RNLS: variants seen among roughly 807,000 people sequenced by gnomAD.
The protein encoded by RNLS is renalase.
RNLS carries 39 observed loss-of-function variants against 39.8 expected under a neutral mutation model. The observed-to-expected ratio is 0.98, with a 90% CI of 0.76 to 1.28. The LOEUF is 1.28. RNLS is among the 50% of genes most tolerant of loss of function. RNLS has a pLI of 0.00. For synonymous variants in RNLS, 147 were observed against 150.7 expected (o/e 0.98, Z 0.18); for missense variants, 410 against 413.3 (o/e 0.99, Z 0.07).
chr10:88,203,344 G>GTA, the RNLS span, among the ~76,000 whole-genome samples: 11 of 12,196 alleles, frequency 9.0e-4, 1 homozygote, highest in East Asian at 3.4e-3. Flanking sequence ...ATACACGTAT[G>GTA]TGTATATATA....
At chr10:88,312,853 C>T (rs572894169) in intron 6 of RNLS, among the ~76,000 whole-genome samples, 10 of 152,026 alleles carry the variant, frequency 6.6e-5, no homozygotes, top group Non-Finnish European at 1.3e-4. Flanking sequence ...GCCCCCTACC[C>T]TCCCACATTT....
chr10:88,466,171 T>C (rs927106068), intron 4 of RNLS, among the ~76,000 whole-genome samples: 3 of 152,050 alleles, frequency 2.0e-5, no homozygotes, highest in African/African-American at 7.2e-5. Context: ...TCCTGCCCAA[T>C]ATACCCATTA....
intron 4 of RNLS, among the ~76,000 whole-genome samples, chr10:88,386,725 G>C (rs1851881350): frequency 6.6e-6 from 1 of 152,150 alleles, no homozygotes; most frequent in Non-Finnish European, 1.5e-5. Flanking sequence ...GGATGTGAGG[G>C]CTGAGGACAC....
the RNLS span, among the ~76,000 whole-genome samples, chr10:88,201,815 A>T: frequency 6.6e-6 from 1 of 152,152 alleles, no homozygotes; most frequent in African/African-American, 2.4e-5. Flanking sequence ...GTATCCAGAG[A>T]TGTGAAAACA....
downstream of RNLS, among the ~76,000 whole-genome samples, chr10:88,282,480 C>T (rs1327084253): frequency 2.9e-4 from 1 of 3,468 alleles, no homozygotes; most frequent in Non-Finnish European, 8.4e-4. Context: ...AGTGAAAATA[C>T]ACACACACAC....
the RNLS span, among the ~76,000 whole-genome samples, chr10:88,248,140 T>C: frequency 6.6e-6 from 1 of 152,252 alleles, no homozygotes; most frequent in Non-Finnish European, 1.5e-5. Flanking sequence ...AAATGTTAGC[T>C]GGTAATTTAA....
chr10:88,343,645 A>T (rs1311322030), intron 5 of RNLS: 4 of 985,214 alleles, frequency 4.1e-6, no homozygotes, highest in Non-Finnish European at 4.8e-6. Context: ...AATTCCATAG[A>T]TTCTGTCCAT....
At chr10:88,457,116 T>C (rs898114870) in intron 4 of RNLS, among the ~76,000 whole-genome samples, 1 of 151,774 alleles carries the variant, frequency 6.6e-6, no homozygotes, top group Non-Finnish European at 1.5e-5. Flanking sequence ...ACCTCAAGAG[T>C]TTTTCTTCCT....
At chr10:88,202,941 A>AGACTT in the RNLS span, among the ~76,000 whole-genome samples, 1 of 151,998 alleles carries the variant, frequency 6.6e-6, no homozygotes, top group South Asian at 2.1e-4. Flanking sequence ...CCAGTTCAGC[A>AGACTT]GACTTCCTGC....
intron 4 of RNLS, among the ~76,000 whole-genome samples, chr10:88,484,374 T>A (rs990031618): frequency 2.0e-5 from 3 of 152,082 alleles, no homozygotes; most frequent in Non-Finnish European, 4.4e-5. Context: ...GAAGGCAGAA[T>A]CTGATATTTA....
At chr10:88,269,710 G>A (rs749078843), downstream of RNLS, among the ~76,000 whole-genome samples, 2 of 152,186 alleles carry the variant, frequency 1.3e-5, no homozygotes, top group Non-Finnish European at 2.9e-5. Flanking sequence ...CTTTGAGGGG[G>A]CCTTAGAGGA....
At chr10:88,338,072 C>G (rs187525145) in intron 5 of RNLS, among the ~76,000 whole-genome samples, 1 of 152,142 alleles carries the variant, frequency 6.6e-6, no homozygotes, top group Admixed American at 6.5e-5. Context: ...TGCAGAAGTC[C>G]ATCTTATTCT....
At chr10:88,387,160 TC>T (rs1348201749) in intron 4 of RNLS, among the ~76,000 whole-genome samples, 1 of 151,984 alleles carries the variant, frequency 6.6e-6, no homozygotes, top group East Asian at 1.9e-4. Context: ...AACCCAAACT[TC>T]CGGAAGCCTT....
At chr10:88,336,734 T>C (rs1564705770) in intron 5 of RNLS, among the ~76,000 whole-genome samples, 2 of 152,220 alleles carry the variant, frequency 1.3e-5, no homozygotes, top group South Asian at 4.1e-4. Context: ...AACAAAATGT[T>C]ATCTATTTTA....
intron 5 of RNLS, among the ~76,000 whole-genome samples, chr10:88,327,903 A>T (rs899000679): frequency 4.7e-5 from 7 of 149,400 alleles, no homozygotes; most frequent in African/African-American, 1.5e-4. Flanking sequence ...GCGCCCAGCC[A>T]ATTTATTTAT....
chr10:88,478,676 T>G, intron 4 of RNLS, among the ~76,000 whole-genome samples: 1 of 152,130 alleles, frequency 6.6e-6, no homozygotes, highest in East Asian at 1.9e-4. Context: ...TTCCGTTCAC[T>G]CGAAATATGC....
intron 4 of RNLS, among the ~76,000 whole-genome samples, chr10:88,373,220 AATATTC>A: frequency 1.3e-5 from 2 of 152,166 alleles, no homozygotes; most frequent in Non-Finnish European, 2.9e-5. Context: ...TTGGAGAATT[AATATTC>A]TAATTAAAAA....
chr10:88,292,704 T>G (rs569045037), intron 6 of RNLS, among the ~76,000 whole-genome samples: 3 of 152,016 alleles, frequency 2.0e-5, no homozygotes, highest in Non-Finnish European at 2.9e-5. Context: ...CAGATGGAGA[T>G]GTCTAAGCCA....
the RNLS span, among the ~76,000 whole-genome samples, chr10:88,211,237 A>T: frequency 6.6e-6 from 1 of 152,178 alleles, no homozygotes. Flanking sequence ...TTGGCCTGTC[A>T]TTCAAGGCCC....
Sources: gnomAD v4.1 joint callset for allele counts (sites outside exome capture counted in the v4.1 genomes callset) on GRCh38, gnomAD v4.1.1 for gene constraint, MANE v1.5 for transcripts, NCBI Gene and HGNC (gene_info 2026-07-23, HGNC 2026-07-21) for gene names.